Variants in NEIL3 observed in about 807,000 individuals in gnomAD.
NEIL3 encodes endonuclease 8-like 3.
Under a neutral mutation model 57.5 loss-of-function variants are expected in NEIL3, and 48 were observed. The observed-to-expected ratio is 0.83, with a 90% CI of 0.66 to 1.06. The LOEUF is 1.06. NEIL3 is among the 50% of genes least tolerant of loss of function. The pLI, the probability that NEIL3 is intolerant of heterozygous loss-of-function variation, is 0.00. For missense variants in NEIL3, 717 were observed against 739.1 expected (o/e 0.97, Z 0.35); for synonymous variants, 261 against 253.2 (o/e 1.03, Z -0.29).
rs1311247910 is a variant in NEIL3 at position 177,362,465 on chromosome 4, A to G, written c.1812A>G (p.Gly604=). 1.2e-6 allele frequency: 2 copies of G among 1,609,572 alleles called. No homozygotes were observed. Among genetic ancestry groups the G allele is most frequent in the East Asian group, 4.5e-5 (2 of 44,840 alleles). Residue 604 remains glycine (G), a synonymous_variant, in exon 10 of 10, where the codon GGA becomes GGG. Transcript: ENST00000264596. ...ENGPGIKIIP[G]C is the part of the protein sequence containing the mutation. The stretch of plus-strand genomic sequence containing the variant: ...GGCCAGGAATAAAAATTATTCCTGG[A>G]TGCTAATATCTGTAGATTCTCTGGC...
downstream of NEIL3, among the ~76,000 whole-genome samples, chr4:177,366,986 CTTGGTTT>C (rs1735701240): frequency 6.6e-6 from 1 of 152,154 alleles, no homozygotes; most frequent in Non-Finnish European, 1.5e-5. Context: ...ATTACTTCCA[CTTGGTTT>C]TTTAAAAATA....
At chr4:177,320,462 C>CTTTTT (rs1560908362) in intron 1 of NEIL3, among the ~76,000 whole-genome samples, 1 of 110,692 alleles carries the variant, frequency 9.0e-6, no homozygotes. Flanking sequence ...GAAGTGACTG[C>CTTTTT]TGTCTTTTTT....
chr4:177,353,663 A>G lies in NEIL3; in HGVS notation c.1395A>G (p.Lys465=), dbSNP rs771257734. ...SESKLFSPAH[K]KPKTAQYSSP... ...CTAAATTATTTAGTCCAGCACATAA[A>G]AAACCGAAAACAGCCCAATACTCAT... Residue 465 remains lysine (K), a synonymous_variant, in exon 8 of 10, where the codon AAA becomes AAG. Transcript: ENST00000264596. 2.5e-6 allele frequency: 4 copies of G among 1,614,040 alleles called. No homozygotes were observed. The Admixed American group carries it at 6.7e-5, about 27-fold the overall frequency.
At chr4:177,358,261 G>A (rs528218049) in intron 8 of NEIL3, among the ~76,000 whole-genome samples, 1 of 152,214 alleles carries the variant, frequency 6.6e-6, no homozygotes, top group Non-Finnish European at 1.5e-5. Flanking sequence ...ACCACACTCT[G>A]AGTACCAAGA....
chr4:177,336,887 A>T lies in NEIL3; in HGVS notation c.627+566A>T, dbSNP rs141394390. ...CATTAGAAGCTGCTGTTGTGGAAGG[A>T]TAGCAATGGAAGGCAGGCAGCAGGG... On this transcript the variant is annotated intron_variant, in intron 4 of 9. Transcript: ENST00000264596. Among the ~76,000 whole-genome samples, 539 of 152,298 alleles carry T rather than the reference A, an allele frequency of 3.5e-3. 1 individual carries two copies. The highest frequency in any genetic ancestry group is 0.01 in the Middle Eastern group (3 of 292).
intron 5 of NEIL3, among the ~76,000 whole-genome samples, chr4:177,341,155 C>T (rs1360956319): frequency 2.0e-5 from 3 of 151,920 alleles, no homozygotes; most frequent in African/African-American, 7.3e-5. Context: ...TTTAAAAAGC[C>T]TTAAAAGTGT....
Position 177,310,596 on chromosome 4 carries a change from C to G in NEIL3, c.156+487C>G, listed in dbSNP as rs548384357. Among the ~76,000 whole-genome samples, 37 of 152,344 alleles carry G rather than the reference C, an allele frequency of 2.4e-4. No homozygotes were observed. In the South Asian group the frequency reaches 7.7e-3, roughly 32 times the overall value. The stretch of plus-strand genomic sequence containing the variant: ...AAAACTACACGTAGAAAATTTAGCA[C>G]TAACTTCTCACTCAACTTCATATTG... On this transcript the variant is annotated intron_variant, in intron 1 of 9. Coordinates refer to ENST00000264596, the MANE Select transcript of NEIL3 (RefSeq NM_018248.3).
chr4:177,321,322 TA>T (rs1734680585), intron 1 of NEIL3, among the ~76,000 whole-genome samples: 1 of 152,204 alleles, frequency 6.6e-6, no homozygotes, highest in African/African-American at 2.4e-5. Flanking sequence ...GATATTACCT[TA>T]GACTGAGTTA....
intron 2 of NEIL3, among the ~76,000 whole-genome samples, chr4:177,334,616 A>G (rs989223655): frequency 1.3e-5 from 2 of 152,200 alleles, no homozygotes; most frequent in Non-Finnish European, 2.9e-5. Flanking sequence ...TGGAGTACTT[A>G]CAGGCACACA....
At chr4:177,368,674 A>T in the NEIL3 span, among the ~76,000 whole-genome samples, 136 of 152,364 alleles carry the variant, frequency 8.9e-4, 2 homozygotes, top group East Asian at 0.023. Context: ...CAGTCTATTG[A>T]ACATTTTTAA....
At chr4:177,357,778 C>T (rs552032307) in intron 8 of NEIL3, among the ~76,000 whole-genome samples, 2 of 152,208 alleles carry the variant, frequency 1.3e-5, no homozygotes, top group East Asian at 1.9e-4. Context: ...AAACTTAGAC[C>T]GTAAGACCAG....
At chr4:177,331,131 G>A (rs1397086597) in intron 2 of NEIL3, among the ~76,000 whole-genome samples, 4 of 152,044 alleles carry the variant, frequency 2.6e-5, no homozygotes, top group Non-Finnish European at 4.4e-5. Flanking sequence ...GTAAAAATAT[G>A]AGTTATTTTC....
rs185767978 is a variant in NEIL3 at position 177,345,882 on chromosome 4, G to C, written c.869+4240G>C. 1.5e-4 allele frequency among the ~76,000 whole-genome samples: 22 copies of C among 151,120 alleles called. 2 individuals are homozygous for C. The East Asian group carries it at 4.3e-3, about 30-fold the overall frequency. The stretch of plus-strand genomic sequence containing the variant: ...TTTTTTGTATTTTCAGTAGAGATGG[G>C]GTTTCACTATGTTGGCCAGGCTGGT... On this transcript the variant is annotated intron_variant, in intron 6 of 9. Transcript: ENST00000264596.
At chr4:177,355,341 A>ATG (rs1735449864) in intron 8 of NEIL3, among the ~76,000 whole-genome samples, 1 of 152,180 alleles carries the variant, frequency 6.6e-6, no homozygotes, top group Admixed American at 6.5e-5. Flanking sequence ...AAATCTGCAG[A>ATG]TGCTCAAGTC....
intron 6 of NEIL3, among the ~76,000 whole-genome samples, chr4:177,347,083 G>A (rs540416298): frequency 3.0e-4 from 45 of 152,204 alleles, no homozygotes; most frequent in African/African-American, 1.0e-3. Flanking sequence ...GGTGATTAGT[G>A]TTCTCAAGAA....
intron 1 of NEIL3, among the ~76,000 whole-genome samples, chr4:177,321,707 A>T (rs1231778633): frequency 1.3e-5 from 2 of 152,128 alleles, no homozygotes; most frequent in Non-Finnish European, 2.9e-5. Context: ...AGGGAATATG[A>T]GTTTATTTTT....
At chr4:177,316,506 G>C (rs940371407) in intron 1 of NEIL3, among the ~76,000 whole-genome samples, 2 of 152,046 alleles carry the variant, frequency 1.3e-5, no homozygotes, top group Admixed American at 1.3e-4. Flanking sequence ...TAAGATATTG[G>C]GATGTTAATG....
At chr4:177,338,501 C>T (rs953015625) in intron 4 of NEIL3, among the ~76,000 whole-genome samples, 5 of 152,178 alleles carry the variant, frequency 3.3e-5, no homozygotes, top group Non-Finnish European at 7.3e-5. Flanking sequence ...TCTACATGTA[C>T]GTGGACCTGC....
chr4:177,361,251 T>G (rs1021643191), intron 9 of NEIL3, among the ~76,000 whole-genome samples: 1 of 152,176 alleles, frequency 6.6e-6, no homozygotes, highest in Non-Finnish European at 1.5e-5. Flanking sequence ...GATAAGAACC[T>G]CAGGTCCGTT....
Sources: gnomAD v4.1 joint callset for allele counts (sites outside exome capture counted in the v4.1 genomes callset) on GRCh38, gnomAD v4.1.1 for gene constraint, MANE v1.5 for transcripts, NCBI Gene and HGNC (gene_info 2026-07-23, HGNC 2026-07-21) for gene names.